The following FLRT1 variants were observed in gnomAD, a reference collection of about 807,000 sequenced individuals.
FLRT1 encodes leucine-rich repeat transmembrane protein FLRT1.
Under a neutral mutation model 30.9 loss-of-function variants are expected in FLRT1, and 14 were observed. The ratio of observed to expected loss-of-function variants is 0.45; its 90% CI spans 0.30 to 0.71. The LOEUF is 0.71. FLRT1 is among the 30% of genes least tolerant of loss of function. The pLI is 0.08. For missense variants in FLRT1, 737 were observed against 949.2 expected (o/e 0.78, Z 2.94); for synonymous variants, 368 against 430.4 (o/e 0.85, Z 1.80).
rs1944984668 is a variant in FLRT1, at chr11:64,116,504, C to A, written c.237C>A (p.Ile79=). ...GACTCACATCCATCCCCGCAGATATCCCTGATGATGCCACCACCCTCTACC... is the reference window on the plus strand; with the variant it reads ...GACTCACATCCATCCCCGCAGATATACCTGATGATGCCACCACCCTCTACC... ...DRGLTSIPAD[I]PDDATTLYLQ... Residue 79 remains isoleucine, a synonymous_variant, in exon 3 of 3, where the codon ATC becomes ATA. Coordinates refer to ENST00000682287, the MANE Select transcript of FLRT1 (RefSeq NM_013280.5). 1 of 1,613,906 alleles carries A rather than the reference C, an allele frequency of 6.2e-7. No homozygotes were observed. Among genetic ancestry groups the A allele is most frequent in the Non-Finnish European group, 8.5e-7 (1 of 1,179,978 alleles).
chr11:64,074,235 A>C (rs1944160804), intron 1 of FLRT1, among the ~76,000 whole-genome samples: 1 of 152,196 alleles, frequency 6.6e-6, no homozygotes, highest in South Asian at 2.1e-4. Flanking sequence ...CCCAGAATGC[A>C]GTTCGTGGGG....
chr11:64,095,306 C>T, intron 1 of FLRT1, among the ~76,000 whole-genome samples: 1 of 152,148 alleles, frequency 6.6e-6, no homozygotes, highest in East Asian at 1.9e-4. Context: ...TTTCAATTAA[C>T]AACAAGAAAA....
chr11:64,068,376 C>T (rs1052005703), intron 1 of FLRT1, among the ~76,000 whole-genome samples: 2 of 152,214 alleles, frequency 1.3e-5, no homozygotes, highest in East Asian at 1.9e-4. Context: ...CCCAGCTGCC[C>T]GCATGCCCTA....
chr11:64,104,903 C>T (rs1035388064), intron 2 of FLRT1, among the ~76,000 whole-genome samples: 5 of 152,236 alleles, frequency 3.3e-5, no homozygotes, highest in South Asian at 2.1e-4. Context: ...GAGGCTGCAC[C>T]GCCAAAAACA....
intron 1 of FLRT1, among the ~76,000 whole-genome samples, chr11:64,066,113 A>G (rs1053352082): frequency 6.6e-6 from 1 of 151,980 alleles, no homozygotes; most frequent in Admixed American, 6.6e-5. Flanking sequence ...CTTGGCCAAC[A>G]TGGTGAAACC....
chr11:64,044,440 G>A (rs968539713), intron 1 of FLRT1, among the ~76,000 whole-genome samples: 1 of 151,980 alleles, frequency 6.6e-6, no homozygotes, highest in African/African-American at 2.4e-5. Context: ...GCAGAGACAG[G>A]GTTTCCTTAT....
chr11:64,036,937 G>A lies in FLRT1; in HGVS notation c.-1038+778G>A, dbSNP rs367919052. Among the ~76,000 whole-genome samples, 7 of 152,330 alleles carry A rather than the reference G, an allele frequency of 4.6e-5. 1 individual carries two copies. The South Asian group carries it at 1.4e-3, about 32-fold the overall frequency. Reference sequence around the variant, plus strand: ...TGTTGTCGCCCAGCTGCAGGGAACCGTGGTTGATCAGAGCTCCCCGAGGAG... The same window carrying A: ...TGTTGTCGCCCAGCTGCAGGGAACCATGGTTGATCAGAGCTCCCCGAGGAG... On this transcript the variant is annotated intron_variant, in intron 1 of 2. Transcript: ENST00000682287. The surrounding 1 kb of genome is among the most constrained non-coding windows in gnomAD (Gnocchi z 5.6).
intron 2 of FLRT1, among the ~76,000 whole-genome samples, chr11:64,108,476 C>T (rs901043675): frequency 4.6e-5 from 7 of 152,184 alleles, no homozygotes; most frequent in Admixed American, 1.3e-4. Context: ...CAGGAAGCAG[C>T]GGCCTGCCCT....
At position 64,118,081 on chromosome 11, in the gene FLRT1, C is replaced by T; in HGVS notation, c.1814C>T (p.Thr605Ile). The T allele has an allele frequency of 6.2e-7, 1 of 1,612,236 alleles. No homozygotes were observed. The highest frequency in any genetic ancestry group is 8.5e-7 in the Non-Finnish European group (1 of 1,178,754). Residue 605 changes from threonine to isoleucine, a missense_variant, in exon 3 of 3, where the codon ACC (threonine) becomes ATC (isoleucine). Thr to Ile is a moderately conservative substitution (Grantham distance 89). Transcript: ENST00000682287. ...AAGGATGACTATATGGAGTCAGGGACCAAGAAGGATAACTCCATCCTGGAA... is the reference window on the plus strand; with the variant it reads ...AAGGATGACTATATGGAGTCAGGGATCAAGAAGGATAACTCCATCCTGGAA... Reference protein sequence around the residue: ...RKKDDYMESGTKKDNSILEIR... With the variant: ...RKKDDYMESGIKKDNSILEIR...
At chr11:64,088,554 C>G (rs1180093398) in intron 1 of FLRT1, among the ~76,000 whole-genome samples, 6 of 152,198 alleles carry the variant, frequency 3.9e-5, no homozygotes, top group African/African-American at 1.4e-4. Flanking sequence ...TGGCACCACC[C>G]TTTACAGTGT....
chr11:64,070,454 C>T (rs1040561928), intron 1 of FLRT1, among the ~76,000 whole-genome samples: 3 of 152,176 alleles, frequency 2.0e-5, no homozygotes, highest in Non-Finnish European at 2.9e-5. Context: ...AGGGATAAAA[C>T]GCCAAACAAA....
intron 1 of FLRT1, among the ~76,000 whole-genome samples, chr11:64,048,038 T>C (rs1943617897): frequency 6.6e-6 from 1 of 152,182 alleles, no homozygotes; most frequent in Non-Finnish European, 1.5e-5. Context: ...GTGGGGATGC[T>C]GGCAGGCCCT....
At chr11:64,081,457 T>G (rs1451914839) in intron 1 of FLRT1, among the ~76,000 whole-genome samples, 1 of 152,216 alleles carries the variant, frequency 6.6e-6, no homozygotes, top group African/African-American at 2.4e-5. Context: ...ATACAGGGAT[T>G]GGCAGAGTGC....
At chr11:64,093,246 A>C (rs12286180) in intron 1 of FLRT1, among the ~76,000 whole-genome samples, 29,948 of 152,188 alleles carry the variant, frequency 0.2, 3,965 homozygotes, top group African/African-American at 0.33. Context: ...TATTATTATT[A>C]TCCACATCAA....
rs1454181513 is a variant in FLRT1 at position 64,118,355 on chromosome 11, G to C, written c.*63G>C. The stretch of plus-strand genomic sequence containing the variant: ...TGCCCTGGCGTGGCCATGTGGCTTT[G>C]CCCAGCCTGCTGCAATCCAAGAGAG... On this transcript the variant is annotated 3_prime_UTR_variant, in exon 3 of 3. Transcript: ENST00000682287. 1 of 1,479,716 alleles carries C rather than the reference G, an allele frequency of 6.8e-7. No individual in the cohort carries two copies. Among genetic ancestry groups the C allele is most frequent in the African/African-American group, 1.4e-5 (1 of 71,280 alleles). The allele number at this position is 1,479,716 out of a possible 1,614,324, so 91.7% of individuals were successfully genotyped here.
chr11:64,063,567 A>G (rs1332725792), intron 1 of FLRT1, among the ~76,000 whole-genome samples: 1 of 152,292 alleles, frequency 6.6e-6, no homozygotes, highest in East Asian at 1.9e-4. Context: ...GCAACCTTCA[A>G]TGCGGCCTCT....
chr11:64,114,422 GGGATGGTTGAATGGAT>G (rs1203009268), intron 2 of FLRT1, among the ~76,000 whole-genome samples: 3 of 127,742 alleles, frequency 2.3e-5, no homozygotes, highest in Non-Finnish European at 3.3e-5. Flanking sequence ...GATGGATGGA[GGGATGGTTGAATGGAT>G]GGATGGATGG....
intron 1 of FLRT1, among the ~76,000 whole-genome samples, chr11:64,061,864 C>A (rs1294794496): frequency 6.7e-6 from 1 of 149,076 alleles, no homozygotes; most frequent in Non-Finnish European, 1.5e-5. Context: ...GCGTGTGCCA[C>A]CACGCTGGCT....
intron 1 of FLRT1, among the ~76,000 whole-genome samples, chr11:64,102,486 C>T (rs567306308): frequency 6.6e-5 from 10 of 152,350 alleles, no homozygotes; most frequent in African/African-American, 2.4e-4. Context: ...GTTCTGGAAG[C>T]CCAGGCCATG....
Sources: allele counts gnomAD v4.1 joint callset (sites outside exome capture counted in the v4.1 genomes callset), GRCh38; gene constraint gnomAD v4.1.1; non-coding constraint Gnocchi (gnomAD v3.1); transcripts MANE v1.5; gene names NCBI Gene and HGNC (gene_info 2026-07-23, HGNC 2026-07-21).